The following NR6A1 variants were observed in gnomAD, a reference collection of about 807,000 sequenced individuals.
The protein encoded by NR6A1 is retinoic acid receptor-related testis-associated receptor.
Under a neutral mutation model 59.1 loss-of-function variants are expected in NR6A1, and 7 were observed. That is an observed-to-expected ratio of 0.12 (90% CI 0.07 to 0.22). The LOEUF (loss-of-function observed/expected upper bound fraction) is 0.22. Among genes scored for constraint, NR6A1 ranks in the 10% least tolerant of loss-of-function variants. The pLI is 1.00. For missense variants in NR6A1, 468 were observed against 611.6 expected (o/e 0.77, Z 2.48); for synonymous variants, 243 against 236.1 (o/e 1.03, Z -0.27).
At chr9:124,575,517 T>A (rs1427765345) in intron 2 of NR6A1, among the ~76,000 whole-genome samples, 1 of 151,280 alleles carries the variant, frequency 6.6e-6, no homozygotes, top group Non-Finnish European at 1.5e-5. Flanking sequence ...GAGGTTTCAA[T>A]GAGCCGAGAT....
intron 2 of NR6A1, among the ~76,000 whole-genome samples, chr9:124,720,597 G>A (rs1342509487): frequency 6.6e-6 from 1 of 152,088 alleles, no homozygotes; most frequent in Non-Finnish European, 1.5e-5. Flanking sequence ...AAAGAGAGAG[G>A]CTTATCTTTT....
At chr9:124,770,717 G>A (rs1841118814) in intron 1 of NR6A1, among the ~76,000 whole-genome samples, 1 of 120,514 alleles carries the variant, frequency 8.3e-6, no homozygotes, top group Non-Finnish European at 1.8e-5. Context: ...GACGGGGGGA[G>A]GGGAAGCCTG....
intron 2 of NR6A1, among the ~76,000 whole-genome samples, chr9:124,601,269 C>A (rs1172571076): frequency 6.6e-6 from 1 of 151,676 alleles, no homozygotes; most frequent in African/African-American, 2.4e-5. Flanking sequence ...GAGCGAGACT[C>A]TGTCTCAAAA....
intron 2 of NR6A1, among the ~76,000 whole-genome samples, chr9:124,672,728 T>C (rs1837833343): frequency 6.6e-6 from 1 of 152,188 alleles, no homozygotes. Flanking sequence ...GTTCCATTTG[T>C]TTTCACCAAC....
chr9:124,695,659 C>T (rs770404981), intron 2 of NR6A1, among the ~76,000 whole-genome samples: 5 of 152,184 alleles, frequency 3.3e-5, no homozygotes, highest in South Asian at 2.1e-4. Flanking sequence ...CATGAGTCAC[C>T]GCGCCCGGCC....
chr9:124,565,297 C>T (rs768552462), intron 2 of NR6A1, among the ~76,000 whole-genome samples: 6 of 152,076 alleles, frequency 3.9e-5, no homozygotes, highest in Admixed American at 6.5e-5. Flanking sequence ...CATGGTGGCA[C>T]GCGCTTGTAG....
At chr9:124,559,226 G>T (rs1304199287) in intron 2 of NR6A1, among the ~76,000 whole-genome samples, 1 of 152,074 alleles carries the variant, frequency 6.6e-6, no homozygotes, top group Non-Finnish European at 1.5e-5. Flanking sequence ...TTTACCTGAG[G>T]CATGAATTCC....
At position 124,733,430 on chromosome 9, in the gene NR6A1, T is replaced by C. The variant is rs567918572; in HGVS notation, c.101-81A>G. On this transcript the variant is annotated intron_variant, in intron 1 of 9. Transcript: ENST00000487099. ...CTCCAAATATGAAGTATCATACAGTTGGGGGGAAATCTATACTCAGAAGTC... is the reference window on the plus strand; with the variant it reads ...CTCCAAATATGAAGTATCATACAGTCGGGGGGAAATCTATACTCAGAAGTC... The C allele has an allele frequency of 1.9e-4, 199 of 1,075,540 alleles. 1 individual carries two copies. In the African/African-American group the frequency reaches 2.5e-3, roughly 14 times the overall value. 66.6% of individuals were successfully genotyped at this position (1,075,540 alleles called of 1,614,324 possible). A position where few individuals can be genotyped will look rare whatever the true frequency, so the allele number is the denominator to read the frequency against.
At chr9:124,750,766 AT>A (rs1223440498) in intron 1 of NR6A1, among the ~76,000 whole-genome samples, 2 of 152,042 alleles carry the variant, frequency 1.3e-5, no homozygotes, top group African/African-American at 4.8e-5. Flanking sequence ...TCTCAAAAAA[AT>A]AAATAAATAA....
intron 2 of NR6A1, among the ~76,000 whole-genome samples, chr9:124,619,260 A>T (rs139616561): frequency 9.3e-4 from 141 of 152,224 alleles, no homozygotes; most frequent in Middle Eastern, 3.4e-3. Flanking sequence ...ATGTAATTTT[A>T]ATTAAAAAAA....
rs190116928 is a variant in NR6A1, at chr9:124,687,008, A to C, written c.142+46300T>G. ...GCATGAGCCACTGTGCCAGGCCAAAATATTTTGAAAGGCTTTGAAGTATGT... is the reference window on the plus strand; with the variant it reads ...GCATGAGCCACTGTGCCAGGCCAAACTATTTTGAAAGGCTTTGAAGTATGT... On this transcript the variant is annotated intron_variant, in intron 2 of 9. Coordinates refer to ENST00000487099, the MANE Select transcript of NR6A1 (RefSeq NM_033334.4). Among the ~76,000 whole-genome samples the C allele has an allele frequency of 3.5e-3, 531 of 152,186 alleles. 7 individuals carry two copies. The highest frequency in any genetic ancestry group is 5.8e-3 in the Admixed American group (89 of 15,288).
chr9:124,620,233 T>G (rs2130859217), intron 2 of NR6A1, among the ~76,000 whole-genome samples: 1 of 152,010 alleles, frequency 6.6e-6, no homozygotes, highest in African/African-American at 2.4e-5. Context: ...ATTATTAACA[T>G]CACTACCTCT....
intron 5 of NR6A1, among the ~76,000 whole-genome samples, chr9:124,539,190 C>A (rs1044049658): frequency 6.6e-6 from 1 of 152,062 alleles, no homozygotes; most frequent in Non-Finnish European, 1.5e-5. Context: ...CAGATGTGAG[C>A]CACCATGCCT....
chr9:124,626,987 T>C (rs1332959043), intron 2 of NR6A1, among the ~76,000 whole-genome samples: 2 of 152,168 alleles, frequency 1.3e-5, no homozygotes, highest in Non-Finnish European at 2.9e-5. Context: ...AAGCTACCAT[T>C]ACAGGAATTG....
Position 124,540,012 on chromosome 9 carries a change from T to A in NR6A1, c.596+21A>T, listed in dbSNP as rs549805767. 3.1e-6 allele frequency: 5 copies of A among 1,589,746 alleles called. No homozygotes were observed. In the East Asian group the frequency reaches 6.8e-5, roughly 22 times the overall value. On this transcript the variant is annotated intron_variant, in intron 5 of 9. Coordinates refer to ENST00000487099, the MANE Select transcript of NR6A1 (RefSeq NM_033334.4). ...GTGGGGGATCCCTAGATGATGACCA[T>A]GGGTTTGCCTTAAAGCTCACCTGGA...
chr9:124,712,760 T>C (rs986183989), intron 2 of NR6A1, among the ~76,000 whole-genome samples: 1 of 152,158 alleles, frequency 6.6e-6, no homozygotes, highest in Non-Finnish European at 1.5e-5. Flanking sequence ...ACTGACCACA[T>C]GAGGTCTATT....
At chr9:124,588,551 A>G (rs886903346) in intron 2 of NR6A1, among the ~76,000 whole-genome samples, 1 of 148,388 alleles carries the variant, frequency 6.7e-6, no homozygotes, top group African/African-American at 2.5e-5. Flanking sequence ...CTCGTGATCC[A>G]CCCGCTTCGG....
chr9:124,716,791 C>A (rs1028809040), intron 2 of NR6A1, among the ~76,000 whole-genome samples: 13 of 152,092 alleles, frequency 8.5e-5, no homozygotes, highest in Non-Finnish European at 1.9e-4. Flanking sequence ...ACCACCACAC[C>A]CAGCTAATTT....
At chr9:124,759,321 G>C (rs567159991) in intron 1 of NR6A1, among the ~76,000 whole-genome samples, 1 of 152,128 alleles carries the variant, frequency 6.6e-6, no homozygotes, top group Admixed American at 6.5e-5. Context: ...TGGCCATCTC[G>C]TCTTAATCTG....
Sources: allele counts gnomAD v4.1 joint callset (sites outside exome capture counted in the v4.1 genomes callset), GRCh38; gene constraint gnomAD v4.1.1; transcripts MANE v1.5; gene names NCBI Gene and HGNC (gene_info 2026-07-23, HGNC 2026-07-21).